The following ACOXL variants were observed in gnomAD, a reference collection of about 807,000 sequenced individuals.
ACOXL encodes the protein acyl-CoA oxidase like.
ACOXL carries 70 observed loss-of-function variants against 71.9 expected under a neutral mutation model. The ratio of observed to expected loss-of-function variants is 0.97; its 90% CI spans 0.80 to 1.19. The LOEUF (loss-of-function observed/expected upper bound fraction) is 1.19, where lower values mean the gene tolerates loss of function less well. ACOXL is among the 50% of genes most tolerant of loss of function. ACOXL has a pLI of 0.00. For missense variants in ACOXL, 703 were observed against 736.3 expected (o/e 0.95, Z 0.52); for synonymous variants, 253 against 281.6 (o/e 0.90, Z 1.02).
intron 16 of ACOXL, among the ~76,000 whole-genome samples, chr2:111,070,127 C>T (rs975308159): frequency 3.3e-5 from 5 of 152,076 alleles, no homozygotes; most frequent in South Asian, 2.1e-4. Flanking sequence ...AACTACTCTT[C>T]GACCCAGCAA....
chr2:111,117,226 G>T (rs1415926789), intron 17 of ACOXL, among the ~76,000 whole-genome samples: 1 of 152,226 alleles, frequency 6.6e-6, no homozygotes, highest in African/African-American at 2.4e-5. Flanking sequence ...GAGGTGGAGA[G>T]GAGGGGACGA....
At chr2:110,771,390 G>T (rs142607866) in intron 2 of ACOXL, among the ~76,000 whole-genome samples, 1 of 152,166 alleles carries the variant, frequency 6.6e-6, no homozygotes, top group Non-Finnish European at 1.5e-5. Context: ...AGGCCCGTCT[G>T]TGTTTCCCTG....
At chr2:111,056,091 T>C (rs1318402585) in intron 16 of ACOXL, among the ~76,000 whole-genome samples, 1 of 152,058 alleles carries the variant, frequency 6.6e-6, no homozygotes, top group African/African-American at 2.4e-5. Context: ...AGGGAAAAGA[T>C]TTGGAGGCTA....
At chr2:110,847,205 C>A (rs899019174) in intron 10 of ACOXL, among the ~76,000 whole-genome samples, 1 of 151,926 alleles carries the variant, frequency 6.6e-6, no homozygotes, top group African/African-American at 2.4e-5. Flanking sequence ...TCTCTTTCTG[C>A]AAGATTGAAA....
chr2:110,956,391 A>T (rs1222279828), intron 12 of ACOXL, among the ~76,000 whole-genome samples: 3 of 152,140 alleles, frequency 2.0e-5, no homozygotes, highest in Non-Finnish European at 4.4e-5. Context: ...TGTCCAGCGA[A>T]TAAGTCCTGA....
At chr2:111,020,496 G>A (rs538325342) in intron 14 of ACOXL, among the ~76,000 whole-genome samples, 2 of 152,202 alleles carry the variant, frequency 1.3e-5, no homozygotes, top group African/African-American at 4.8e-5. Flanking sequence ...CTGGTGGAGA[G>A]AATTGCATGT....
chr2:110,998,988 T>C (rs2063509131), intron 14 of ACOXL, among the ~76,000 whole-genome samples: 1 of 152,232 alleles, frequency 6.6e-6, no homozygotes, highest in African/African-American at 2.4e-5. Flanking sequence ...TGAGTAAATG[T>C]GTGTTGGGAA....
chr2:111,061,940 AAGG>A (rs2066837892), intron 16 of ACOXL, among the ~76,000 whole-genome samples: 3 of 152,130 alleles, frequency 2.0e-5, no homozygotes, highest in South Asian at 4.1e-4. Context: ...ATGAGAAAAC[AAGG>A]AGAACAAACA....
rs769591298 is a variant in ACOXL, at chr2:110,933,649, C to T, written c.1059+7C>T. 1.1e-5 allele frequency: 17 copies of T among 1,606,566 alleles called. No individual in the cohort carries two copies. In the Admixed American group the frequency reaches 2.9e-4, roughly 27 times the overall value. ...CGAGTGCACTGGAGGCATGGTGAGCCCCAAGGCCTGCAGCCCCCGTGGGTC... is the reference window on the plus strand; with the variant it reads ...CGAGTGCACTGGAGGCATGGTGAGCTCCAAGGCCTGCAGCCCCCGTGGGTC... On this transcript the variant is annotated splice_region_variant and intron_variant, in intron 12 of 17. Transcript: ENST00000439055.
intron 10 of ACOXL, among the ~76,000 whole-genome samples, chr2:110,851,883 G>A (rs1436821484): frequency 1.3e-5 from 2 of 152,232 alleles, no homozygotes; most frequent in Non-Finnish European, 2.9e-5. Flanking sequence ...GGCGCTCCAT[G>A]TTCTGTCCTG....
intron 16 of ACOXL, among the ~76,000 whole-genome samples, chr2:111,057,871 G>A (rs536714015): frequency 7.7e-4 from 118 of 152,324 alleles, no homozygotes; most frequent in African/African-American, 2.7e-3. Context: ...GTATCTAAAT[G>A]GAGAACCAGC....
chr2:110,802,214 C>CT (rs1434846646), intron 8 of ACOXL, among the ~76,000 whole-genome samples: 4 of 151,496 alleles, frequency 2.6e-5, no homozygotes, highest in Admixed American at 2.6e-4. Flanking sequence ...GTTTTTTTTC[C>CT]TTCCCCCCCC....
chr2:110,748,222 A>G (rs1437675342), intron 1 of ACOXL, among the ~76,000 whole-genome samples: 3 of 152,134 alleles, frequency 2.0e-5, no homozygotes, highest in African/African-American at 2.4e-5. Context: ...GATTCTTCCT[A>G]CTTAGCGTGG....
At chr2:111,094,750 A>G (rs553859678) in intron 17 of ACOXL, among the ~76,000 whole-genome samples, 1 of 152,350 alleles carries the variant, frequency 6.6e-6, no homozygotes. Context: ...TTTGCATTCT[A>G]GACAGAGTTC....
chr2:111,006,989 G>A (rs1396056664), intron 14 of ACOXL, among the ~76,000 whole-genome samples: 2 of 151,940 alleles, frequency 1.3e-5, no homozygotes, highest in East Asian at 1.9e-4. Context: ...CTCTTCCTAG[G>A]GAATCCTGTT....
intron 15 of ACOXL, among the ~76,000 whole-genome samples, chr2:111,035,281 C>G (rs559333457): frequency 9.2e-5 from 14 of 152,320 alleles, no homozygotes; most frequent in African/African-American, 3.4e-4. Flanking sequence ...CACCTGAAAA[C>G]TAGGGAAAAC....
intron 9 of ACOXL, among the ~76,000 whole-genome samples, chr2:110,827,325 G>T (rs1689282072): frequency 6.6e-6 from 1 of 152,158 alleles, no homozygotes; most frequent in South Asian, 2.1e-4. Context: ...ACGTCTAGGG[G>T]TGGTTTCTAG....
At chr2:110,941,487 A>G (rs1172238089) in intron 12 of ACOXL, among the ~76,000 whole-genome samples, 1 of 152,234 alleles carries the variant, frequency 6.6e-6, no homozygotes, top group Non-Finnish European at 1.5e-5. Flanking sequence ...TTTGTTAGAA[A>G]AAAAATTATT....
chr2:111,039,538 A>G (rs958557686), intron 15 of ACOXL, among the ~76,000 whole-genome samples: 1 of 152,270 alleles, frequency 6.6e-6, no homozygotes, highest in Admixed American at 6.5e-5. Context: ...GGTTTTCACC[A>G]GTATTTCACC....
Sources: gnomAD v4.1 joint callset for allele counts (sites outside exome capture counted in the v4.1 genomes callset) on GRCh38, gnomAD v4.1.1 for gene constraint, MANE v1.5 for transcripts, NCBI Gene and HGNC (gene_info 2026-07-23, HGNC 2026-07-21) for gene names.